The following TMEM117 variants were observed in gnomAD, a reference collection of about 807,000 sequenced individuals.
TMEM117 encodes transmembrane protein 117.
Under a neutral mutation model 52.4 loss-of-function variants are expected in TMEM117, and 27 were observed. The ratio of observed to expected loss-of-function variants is 0.51; its 90% CI spans 0.38 to 0.71. The LOEUF is 0.71. Ranked by LOEUF, TMEM117 falls within the 30% of genes least tolerant of loss-of-function variation. The pLI, the probability that TMEM117 is intolerant of heterozygous loss-of-function variation, is 0.00. For missense variants in TMEM117, 556 were observed against 630.5 expected, an observed-to-expected ratio of 0.88 and a Z score of 1.26; for synonymous variants, 215 against 206.3, an observed-to-expected ratio of 1.04 and a Z score of -0.36.
At chr12:44,347,130 G>C (rs1489227656) in intron 6 of TMEM117, among the ~76,000 whole-genome samples, 1 of 151,756 alleles carries the variant, frequency 6.6e-6, no homozygotes. Flanking sequence ...TTTTCCCATT[G>C]TCTAATCCTC....
At chr12:43,819,654 TC>T in the TMEM117 span, among the ~76,000 whole-genome samples, 1 of 151,968 alleles carries the variant, frequency 6.6e-6, no homozygotes, top group Admixed American at 6.6e-5. Context: ...GCGCCTGTAG[TC>T]CCCGCTACTC....
downstream of TMEM117, among the ~76,000 whole-genome samples, chr12:44,390,549 CTAAT>C (rs926084478): frequency 1.3e-5 from 2 of 151,764 alleles, no homozygotes; most frequent in African/African-American, 4.8e-5. Flanking sequence ...ATGAGAAAAT[CTAAT>C]TAGCAGAAGT....
intron 3 of TMEM117, among the ~76,000 whole-genome samples, chr12:43,959,094 A>C (rs888755158): frequency 3.3e-5 from 5 of 152,298 alleles, no homozygotes; most frequent in Non-Finnish European, 4.4e-5. Context: ...GGCGTGAGCC[A>C]CCGCGCCCGG....
chr12:43,914,319 T>C (rs1003997229), intron 2 of TMEM117, among the ~76,000 whole-genome samples: 1 of 152,160 alleles, frequency 6.6e-6, no homozygotes, highest in Non-Finnish European at 1.5e-5. Flanking sequence ...TTCTCAGACC[T>C]GCAGGTCTGC....
chr12:43,900,029 G>C (rs371564745), intron 2 of TMEM117, among the ~76,000 whole-genome samples: 2 of 152,138 alleles, frequency 1.3e-5, no homozygotes, highest in African/African-American at 4.8e-5. Flanking sequence ...ATAATTGAAG[G>C]TGGTTTATAA....
intron 4 of TMEM117, among the ~76,000 whole-genome samples, chr12:44,151,878 A>G (rs900617652): frequency 3.2e-4 from 42 of 131,384 alleles, no homozygotes; most frequent in Admixed American, 1.8e-3. Context: ...TATATTATAT[A>G]TTATAATATA....
rs1412221776 is a variant in TMEM117, at chr12:44,090,899, C to T, written c.411-52626C>T. The stretch of plus-strand genomic sequence containing the variant: ...CAGGCATCACCTCTTGCTGATAGAG[C>T]GTATTACCTCTGATAGAGTGTATTA... On this transcript the variant is annotated intron_variant, in intron 3 of 7. Transcript: ENST00000266534. 2.9e-5 allele frequency among the ~76,000 whole-genome samples: 4 copies of T among 136,178 alleles called. No homozygotes were observed. In the South Asian group the frequency reaches 6.7e-4, roughly 23 times the overall value. The allele number at this position is 136,178 out of a possible 152,430, so 89.3% of individuals were successfully genotyped here.
chr12:44,391,075 T>G (rs192146053), downstream of TMEM117, among the ~76,000 whole-genome samples: 1 of 152,294 alleles, frequency 6.6e-6, no homozygotes, highest in Admixed American at 6.5e-5. Flanking sequence ...AAATGTGATG[T>G]CTTAATTGCA....
At chr12:44,119,012 A>T (rs1225732379) in intron 3 of TMEM117, among the ~76,000 whole-genome samples, 2 of 152,244 alleles carry the variant, frequency 1.3e-5, no homozygotes, top group African/African-American at 2.4e-5. Flanking sequence ...TGTACTCATA[A>T]TTCAAGTTTT....
chr12:43,887,030 G>C (rs1013905330), intron 2 of TMEM117, among the ~76,000 whole-genome samples: 2 of 152,148 alleles, frequency 1.3e-5, no homozygotes, highest in Admixed American at 6.5e-5. Context: ...ATATGTTTCT[G>C]TAGAGATGGG....
chr12:43,845,352 T>C (rs1372893474), intron 2 of TMEM117, among the ~76,000 whole-genome samples: 5 of 151,162 alleles, frequency 3.3e-5, no homozygotes, highest in Admixed American at 6.6e-5. Flanking sequence ...TCCCAGCTAC[T>C]TGAGAGGCTG....
intron 3 of TMEM117, among the ~76,000 whole-genome samples, chr12:44,084,763 T>C (rs900330269): frequency 6.6e-6 from 1 of 152,202 alleles, no homozygotes; most frequent in African/African-American, 2.4e-5. Context: ...AATGACCATA[T>C]GGATTCTCTG....
At chr12:43,814,904 C>A in the TMEM117 span, among the ~76,000 whole-genome samples, 2 of 152,020 alleles carry the variant, frequency 1.3e-5, no homozygotes, top group Non-Finnish European at 2.9e-5. Flanking sequence ...GCCACCATGC[C>A]CAGCTAATTT....
Position 43,981,120 on chromosome 12 carries a change from C to T in TMEM117, c.410+36778C>T, listed in dbSNP as rs532019287. ...GCCTTCCAAGAAAGTTAGTGTCTTT[C>T]CCTATAATTTTTATAACTTTTCCCA... On this transcript the variant is annotated intron_variant, in intron 3 of 7. Coordinates refer to ENST00000266534, the MANE Select transcript of TMEM117 (RefSeq NM_032256.3). 8.5e-5 allele frequency among the ~76,000 whole-genome samples: 13 copies of T among 152,246 alleles called. 1 individual carries two copies. In the South Asian group the frequency reaches 2.7e-3, roughly 32 times the overall value.
intron 2 of TMEM117, among the ~76,000 whole-genome samples, chr12:43,938,141 G>A (rs536906813): frequency 1.3e-4 from 19 of 151,866 alleles, no homozygotes; most frequent in Non-Finnish European, 2.5e-4. Context: ...GGTAGAGCAT[G>A]TGAGGGCTGG....
intron 4 of TMEM117, among the ~76,000 whole-genome samples, chr12:44,188,250 A>G (rs981916172): frequency 3.9e-5 from 6 of 152,104 alleles, no homozygotes; most frequent in Admixed American, 2.0e-4. Context: ...TTCTATCTGA[A>G]CATCCAATAA....
chr12:44,247,741 CA>C (rs1389509309), intron 5 of TMEM117, among the ~76,000 whole-genome samples: 7 of 152,308 alleles, frequency 4.6e-5, no homozygotes, highest in African/African-American at 1.7e-4. Flanking sequence ...AACCCCATGC[CA>C]GGGGGCAGTA....
At chr12:44,035,744 G>A (rs1002777827) in intron 3 of TMEM117, among the ~76,000 whole-genome samples, 1 of 152,174 alleles carries the variant, frequency 6.6e-6, no homozygotes, top group African/African-American at 2.4e-5. Context: ...GAAGTGTTGA[G>A]GTCTTGCAAT....
rs940541560 is a variant in TMEM117 at position 44,184,522 on chromosome 12, T to C, written c.511-26768T>C. On this transcript the variant is annotated intron_variant, in intron 4 of 7. Transcript: ENST00000266534. ...GGGAGATTCAAAGCATGAAAGGGAG[T>C]TGGCTCATCATGACGTGCCTTGAAG... Among the ~76,000 whole-genome samples, 6 of 151,336 alleles carry C rather than the reference T, an allele frequency of 4.0e-5. No individual in the cohort carries two copies. The East Asian group carries it at 1.2e-3, about 30-fold the overall frequency.
Sources: allele counts gnomAD v4.1 joint callset (sites outside exome capture counted in the v4.1 genomes callset), GRCh38; gene constraint gnomAD v4.1.1; transcripts MANE v1.5; gene names NCBI Gene and HGNC (gene_info 2026-07-23, HGNC 2026-07-21).